GALNT13: variants seen among roughly 807,000 people sequenced by gnomAD.
The protein encoded by GALNT13 is polypeptide N-acetylgalactosaminyltransferase 13.
Under a neutral mutation model 64.2 loss-of-function variants are expected in GALNT13, and 28 were observed. That is an observed-to-expected ratio of 0.44 (90% CI 0.32 to 0.60). The LOEUF is 0.60. Among genes scored for constraint, GALNT13 ranks in the 20% least tolerant of loss-of-function variants. GALNT13 has a pLI of 0.05. For synonymous variants in GALNT13, 214 were observed against 224.6 expected, an observed-to-expected ratio of 0.95 and a Z score of 0.42; for missense variants, 577 against 669.8, an observed-to-expected ratio of 0.86 and a Z score of 1.53.
the GALNT13 span, among the ~76,000 whole-genome samples, chr2:153,113,918 T>A: frequency 2.4e-4 from 37 of 152,246 alleles, no homozygotes; most frequent in African/African-American, 7.2e-4. Context: ...TCATTACATC[T>A]TATTTAATAG....
the GALNT13 span, among the ~76,000 whole-genome samples, chr2:153,456,586 C>T: frequency 6.6e-6 from 1 of 152,140 alleles, no homozygotes; most frequent in East Asian, 1.9e-4. Context: ...ACACCTAGTA[C>T]CTATTTACTT....
chr2:153,880,183 A>G (rs1390292407), intron 1 of GALNT13, among the ~76,000 whole-genome samples: 2 of 152,164 alleles, frequency 1.3e-5, no homozygotes, highest in Non-Finnish European at 1.5e-5. Context: ...GGGAAATTCT[A>G]CCTAAATTTA....
At chr2:154,393,592 A>G (rs980871001) in intron 9 of GALNT13, among the ~76,000 whole-genome samples, 3 of 152,194 alleles carry the variant, frequency 2.0e-5, no homozygotes, top group Admixed American at 6.5e-5. Flanking sequence ...TTTTTTGTAC[A>G]TTTCTAAAGG....
the GALNT13 span, among the ~76,000 whole-genome samples, chr2:153,444,755 C>G: frequency 3.3e-5 from 5 of 152,080 alleles, no homozygotes; most frequent in Admixed American, 3.3e-4. Context: ...ATTTATGTTG[C>G]TATGTATCAG....
At chr2:153,549,253 A>C in the GALNT13 span, among the ~76,000 whole-genome samples, 1 of 152,212 alleles carries the variant, frequency 6.6e-6, no homozygotes, top group African/African-American at 2.4e-5. Context: ...GGGAATTTCA[A>C]AACAAAAGTA....
the GALNT13 span, among the ~76,000 whole-genome samples, chr2:153,107,612 G>A: frequency 1.3e-5 from 2 of 152,140 alleles, no homozygotes; most frequent in African/African-American, 2.4e-5. Context: ...GAGAGGAGTA[G>A]AGAAGTAGGT....
intron 10 of GALNT13, among the ~76,000 whole-genome samples, chr2:154,402,241 T>C (rs1025523428): frequency 7.9e-5 from 12 of 152,158 alleles, no homozygotes; most frequent in African/African-American, 2.9e-4. Flanking sequence ...AGATTGGTGG[T>C]GGGGGCGTGG....
the GALNT13 span, among the ~76,000 whole-genome samples, chr2:153,297,169 G>A: frequency 1.3e-5 from 2 of 152,276 alleles, no homozygotes; most frequent in East Asian, 3.9e-4. Flanking sequence ...TCATTTTAGT[G>A]AGGAAGAAAA....
chr2:153,476,727 C>A, the GALNT13 span, among the ~76,000 whole-genome samples: 5 of 152,162 alleles, frequency 3.3e-5, no homozygotes, highest in African/African-American at 7.2e-5. Context: ...TTAACGTGGT[C>A]TTTTTGCTAG....
chr2:153,119,365 G>A, the GALNT13 span, among the ~76,000 whole-genome samples: 1 of 151,802 alleles, frequency 6.6e-6, no homozygotes, highest in African/African-American at 2.4e-5. Context: ...AAATTAATCA[G>A]TTTTTCTAAA....
chr2:153,287,409 G>C, the GALNT13 span, among the ~76,000 whole-genome samples: 55,706 of 152,126 alleles, frequency 0.37, 11,948 homozygotes, highest in Non-Finnish European at 0.5. Flanking sequence ...AAGGACAGAG[G>C]GCTTTCTGTA....
intron 3 of GALNT13, among the ~76,000 whole-genome samples, chr2:154,053,954 A>G (rs1699774390): frequency 1.1e-4 from 16 of 152,112 alleles, no homozygotes; most frequent in Admixed American, 1.0e-3. Context: ...TTTATCTACA[A>G]ATAAACACCT....
Position 154,057,426 on chromosome 2 carries a change from C to G in GALNT13, c.143-82911C>G, listed in dbSNP as rs1229834123. ...TGTACTGTGAGATTCAAGGCACTGTCTTATTCCCTTTTTCTCTTCTTTTTA... is the reference window on the plus strand; with the variant it reads ...TGTACTGTGAGATTCAAGGCACTGTGTTATTCCCTTTTTCTCTTCTTTTTA... On this transcript the variant is annotated intron_variant, in intron 3 of 12. Transcript: ENST00000392825. 2.0e-5 allele frequency among the ~76,000 whole-genome samples: 3 copies of G among 152,322 alleles called. No homozygotes were observed. In the East Asian group the frequency reaches 5.8e-4, roughly 29 times the overall value.
At position 154,229,170 on chromosome 2, in the gene GALNT13, A is replaced by G. The variant is rs536765661; in HGVS notation, c.312-12860A>G. Among the ~76,000 whole-genome samples, 11 of 152,206 alleles carry G rather than the reference A, an allele frequency of 7.2e-5. No homozygotes were observed. The East Asian group carries it at 1.9e-3, about 27-fold the overall frequency. ...TGCTTCTCTGAATGTAATGATGTGT[A>G]AACACCGGACACATCTCTCTTCCTT... On this transcript the variant is annotated intron_variant, in intron 4 of 12. Coordinates refer to ENST00000392825, the MANE Select transcript of GALNT13 (RefSeq NM_052917.4).
the GALNT13 span, among the ~76,000 whole-genome samples, chr2:153,536,881 G>A: frequency 2.0e-5 from 3 of 152,322 alleles, no homozygotes; most frequent in South Asian, 2.1e-4. Flanking sequence ...TGATAGAAAT[G>A]TGTAATTAAA....
At chr2:153,820,380 G>C in the GALNT13 span, among the ~76,000 whole-genome samples, 1 of 152,090 alleles carries the variant, frequency 6.6e-6, no homozygotes, top group African/African-American at 2.4e-5. Flanking sequence ...AAGAAATCTA[G>C]AGAACACCTG....
At chr2:154,363,333 A>G (rs920537496) in intron 9 of GALNT13, among the ~76,000 whole-genome samples, 7 of 152,264 alleles carry the variant, frequency 4.6e-5, no homozygotes, top group Middle Eastern at 3.4e-3. Context: ...ATTCTGAATT[A>G]TGTCTATAGC....
At chr2:154,291,750 GCA>G (rs1234486083) in intron 8 of GALNT13, among the ~76,000 whole-genome samples, 1 of 152,270 alleles carries the variant, frequency 6.6e-6, no homozygotes, top group African/African-American at 2.4e-5. Flanking sequence ...GGCCCCCACA[GCA>G]CAGCGGCCTG....
chr2:153,651,001 G>T, the GALNT13 span, among the ~76,000 whole-genome samples: 2 of 152,110 alleles, frequency 1.3e-5, no homozygotes, highest in African/African-American at 4.8e-5. Flanking sequence ...GGGTACAGGT[G>T]AAGTAGAAAA....
Sources: gnomAD v4.1 joint callset for allele counts (sites outside exome capture counted in the v4.1 genomes callset) on GRCh38, gnomAD v4.1.1 for gene constraint, MANE v1.5 for transcripts, NCBI Gene and HGNC (gene_info 2026-07-23, HGNC 2026-07-21) for gene names.